The following IL1A variants were observed in gnomAD, a reference collection of about 807,000 sequenced individuals.
IL1A encodes the protein interleukin-1 alpha.
A neutral mutation model predicts 22.2 loss-of-function variants in IL1A; 16 were observed. The observed-to-expected ratio is 0.72, with a 90% CI of 0.49 to 1.09. The LOEUF (loss-of-function observed/expected upper bound fraction) is 1.09, where lower values mean the gene tolerates loss of function less well. Among genes scored for constraint, IL1A ranks in the 50% least tolerant of loss-of-function variants. The probability of loss-of-function intolerance (pLI) is 0.00; values close to 1 mark genes in which losing one functional copy is unlikely to be tolerated. For synonymous variants in IL1A, 113 were observed against 118.5 expected (o/e 0.95, Z 0.30); for missense variants, 317 against 321.8 (o/e 0.99, Z 0.11).
At chr2:112,781,934 G>A in intron 3 of IL1A, 108 bp from the exon 4 acceptor site, 1 of 728,644 alleles carries the variant, frequency 1.4e-6, no homozygotes, top group East Asian at 2.6e-5. Flanking sequence ...TCTCCATTCT[G>A]GTCTTAGGTA....
chr2:112,778,193 GGTGTGTGTGTGTGTGTGTGT>G, intron 5 of IL1A, 82 bp from the exon 6 acceptor site: 1 of 661,608 alleles, frequency 1.5e-6, no homozygotes, highest in Admixed American at 2.7e-5. Context: ...GTGTGTGCAT[GGTGTGTGTGTGTGTGTGTGT>G]GTGTGTGTGT....
chr2:112,775,459 G>C (rs1200656490), intron 6 of IL1A, among the ~76,000 whole-genome samples, 192 bp from the exon 7 acceptor site: 1 of 152,192 alleles, frequency 6.6e-6, no homozygotes, highest in Non-Finnish European at 1.5e-5. Context: ...GTGTGGCCCA[G>C]TCTATTAATA....
intron 5 of IL1A, among the ~76,000 whole-genome samples, chr2:112,778,633 T>G (rs1294501989): frequency 2.6e-5 from 4 of 152,120 alleles, no homozygotes; most frequent in Non-Finnish European, 4.4e-5. Context: ...AATTACAAGA[T>G]AGGAGAAAAA....
intron 3 of IL1A, among the ~76,000 whole-genome samples, chr2:112,782,384 CA>C (rs1249263097): frequency 3.9e-5 from 6 of 152,330 alleles, no homozygotes; most frequent in African/African-American, 1.4e-4. Flanking sequence ...AAGACAACCA[CA>C]ACACATCACG....
rs1416164576 is a variant in IL1A, at chr2:112,774,496, G to A, written c.*571C>T. 6.6e-6 allele frequency: 1 copy of A among 151,570 alleles called. No individual in the cohort carries two copies. The highest frequency in any genetic ancestry group is 1.5e-5 in the Non-Finnish European group (1 of 67,896). 9.4% of individuals were successfully genotyped at this position (151,570 alleles called of 1,614,324 possible). ...TTTCGTGCTTTGCCTTCATCTTGAG[G>A]CTCGGCTTCAAGAAGTATTTTACCA... On this transcript the variant is annotated 3_prime_UTR_variant, in exon 7 of 7. Transcript: ENST00000263339.
chr2:112,775,410 T>C, intron 6 of IL1A, 143 bp from the exon 7 acceptor site: 1 of 634,802 alleles, frequency 1.6e-6, no homozygotes. Context: ...CTTCATTCAT[T>C]TGTTCATTCA....
Position 112,783,829 on chromosome 2 carries a change from A to G in IL1A, c.-8-51T>C, listed in dbSNP as rs1573255896. 3.3e-6 allele frequency: 5 copies of G among 1,525,994 alleles called. No individual in the cohort carries two copies. The African/African-American group carries it at 4.1e-5, about 12-fold the overall frequency. The allele number at this position is 1,525,994 out of a possible 1,614,324, so 94.5% of individuals were successfully genotyped here. A position where few individuals can be genotyped will look rare whatever the true frequency, so the allele number is the denominator to read the frequency against. ...TCAGCTCAGCCAGCCTCTAATCCAG[A>G]TATCTGTGAGGGGAGCCCCTCCTCT... On this transcript the variant is annotated intron_variant, in intron 1 of 6. Transcript: ENST00000263339.
At chr2:112,777,877 T>C (rs1343974953) in intron 6 of IL1A, 110 bp downstream of exon 6, 1 of 1,126,938 alleles carries the variant, frequency 8.9e-7, no homozygotes, top group South Asian at 1.5e-5. Flanking sequence ...GGGGCTGTGG[T>C]AGGAAGGAAA....
chr2:112,773,972 CA>C lies in IL1A; in HGVS notation c.*1094del, dbSNP rs1681052497. Reference sequence around the variant, plus strand: ...TTATGACTGATAACACTCTATCAATCACTATTGTTGATAATAATGTAACATT... The same window carrying C: ...TTATGACTGATAACACTCTATCAATCCTATTGTTGATAATAATGTAACATT... On this transcript the variant is annotated 3_prime_UTR_variant, in exon 7 of 7. Transcript: ENST00000263339. 1 of 152,138 alleles carries C rather than the reference CA, an allele frequency of 6.6e-6. No homozygotes were observed. The allele number at this position is 152,138 out of a possible 1,614,324, so 9.4% of individuals were successfully genotyped here.
At position 112,779,406 on chromosome 2, in the gene IL1A, G is replaced by GT. The variant is rs559669505; in HGVS notation, c.490+89dup. 1,326 of 1,125,028 alleles carry GT rather than the reference G, an allele frequency of 1.2e-3. 7 individuals are homozygous for GT. The African/African-American group carries it at 0.019, about 16-fold the overall frequency. 69.7% of individuals were successfully genotyped at this position (1,125,028 alleles called of 1,614,324 possible). A position where few individuals can be genotyped will look rare whatever the true frequency, so the allele number is the denominator to read the frequency against. On this transcript the variant is annotated intron_variant, in intron 5 of 6. Coordinates refer to ENST00000263339, the MANE Select transcript of IL1A (RefSeq NM_000575.5). ...GCAACCCAGAACTCTGAAGAGGTATGTTTTTTGCAAGCAGAAAGATTGAAA... is the reference window on the plus strand; with the variant it reads ...GCAACCCAGAACTCTGAAGAGGTATGTTTTTTTGCAAGCAGAAAGATTGAAA...
At chr2:112,781,556 C>T in intron 4 of IL1A, 48 bp downstream of exon 4, 2 of 1,451,162 alleles carry the variant, frequency 1.4e-6, no homozygotes, top group Non-Finnish European at 9.7e-7. Context: ...ACTGTCCCTA[C>T]TTGCTTAAAA....
intron 4 of IL1A, among the ~76,000 whole-genome samples, 189 bp downstream of exon 4, chr2:112,781,415 G>C (rs1002089664): frequency 1.3e-5 from 2 of 152,138 alleles, no homozygotes; most frequent in Admixed American, 6.5e-5. Flanking sequence ...AAGTATTCTC[G>C]ATTCAGGCCA....
At chr2:112,781,071 T>C (rs1312003908) in intron 4 of IL1A, among the ~76,000 whole-genome samples, 6 of 152,100 alleles carry the variant, frequency 3.9e-5, no homozygotes, top group South Asian at 2.1e-4. Flanking sequence ...CTAACATTTA[T>C]TGGGTGCTTA....
chr2:112,782,317 C>A lies in IL1A; in HGVS notation c.96+399G>T, dbSNP rs541661029. ...TTCTCACTTTCAACTGGCTTGCTTC[C>A]TCTCTCTCAGCTTCATGTTTGGAGA... On this transcript the variant is annotated intron_variant, in intron 3 of 6. Coordinates refer to ENST00000263339, the MANE Select transcript of IL1A (RefSeq NM_000575.5). Among the ~76,000 whole-genome samples, 27 of 152,304 alleles carry A rather than the reference C, an allele frequency of 1.8e-4. No homozygotes were observed. The South Asian group carries it at 5.6e-3, about 32-fold the overall frequency.
chr2:112,779,709 A>G, intron 4 of IL1A, 43 bp from the exon 5 acceptor site: 1 of 1,471,172 alleles, frequency 6.8e-7, no homozygotes, highest in African/African-American at 1.4e-5. Context: ...CTATGTACAA[A>G]CACAGATGAT....
At chr2:112,779,260 C>A (rs1306145806) in intron 5 of IL1A, among the ~76,000 whole-genome samples, 1 of 152,076 alleles carries the variant, frequency 6.6e-6, no homozygotes, top group Non-Finnish European at 1.5e-5. Context: ...TGTGCACAAC[C>A]CTTTACTCTC....
intron 2 of IL1A, 69 bp downstream of exon 2, chr2:112,783,655 A>ATGCCTAGCTGGATTC: frequency 1.5e-6 from 2 of 1,352,212 alleles, no homozygotes; most frequent in South Asian, 1.2e-5. Flanking sequence ...GGCCACTGTT[A>ATGCCTAGCTGGATTC]TGCCTAGCTG....
At chr2:112,780,129 A>G (rs1360633429) in intron 4 of IL1A, among the ~76,000 whole-genome samples, 1 of 152,260 alleles carries the variant, frequency 6.6e-6, no homozygotes, top group East Asian at 1.9e-4. Context: ...CTAGGAATAT[A>G]TTCTAAGGAA....
At chr2:112,783,612 T>C in intron 2 of IL1A, 112 bp downstream of exon 2, 1 of 849,556 alleles carries the variant, frequency 1.2e-6, no homozygotes, top group Non-Finnish European at 2.0e-6. Flanking sequence ...CTAGTACACA[T>C]CTCTACAACC....
Sources: gnomAD v4.1 joint callset for allele counts (sites outside exome capture counted in the v4.1 genomes callset) on GRCh38, gnomAD v4.1.1 for gene constraint, MANE v1.5 for transcripts, NCBI Gene and HGNC (gene_info 2026-07-23, HGNC 2026-07-21) for gene names.